Variants in EXTL3 observed in about 807,000 individuals in gnomAD.
EXTL3 encodes the protein exostosin like glycosyltransferase 3.
Under a neutral mutation model 69.3 loss-of-function variants are expected in EXTL3, and 27 were observed. That is an observed-to-expected ratio of 0.39 (90% confidence interval 0.29 to 0.54). EXTL3 has a LOEUF of 0.54. EXTL3 is among the 20% of genes least tolerant of loss of function. The pLI is 0.69. For missense variants in EXTL3, 1,003 were observed against 1,231.8 expected, an observed-to-expected ratio of 0.81 and a Z score of 2.78; for synonymous variants, 511 against 499.4, an observed-to-expected ratio of 1.02 and a Z score of -0.31.
chr8:28,696,807 GC>G (rs1563206749), upstream of EXTL3: 1 of 152,062 alleles, frequency 6.6e-6, no homozygotes, highest in African/African-American at 2.4e-5. Context: ...TGATCTGCCG[GC>G]CTCAGCCTCC....
intron 1 of EXTL3, among the ~76,000 whole-genome samples, chr8:28,676,722 GA>G (rs1053317758): frequency 2.0e-4 from 30 of 152,182 alleles, no homozygotes; most frequent in Admixed American, 6.5e-4. Context: ...GAGCCCTGGG[GA>G]AGGTGCACAC....
At chr8:28,720,416 C>T (rs983393402) in intron 3 of EXTL3, among the ~76,000 whole-genome samples, 6 of 152,116 alleles carry the variant, frequency 3.9e-5, no homozygotes, top group Non-Finnish European at 8.8e-5. Flanking sequence ...GTTTAGGTTC[C>T]CACTAAGCAA....
chr8:28,743,034 A>G, intron 5 of EXTL3, 52 bp from the exon 6 acceptor site: 1 of 1,611,986 alleles, frequency 6.2e-7, no homozygotes, highest in Non-Finnish European at 8.5e-7. Context: ...GCTGAAAGCC[A>G]ACAACCTGTG....
At chr8:28,612,102 G>T (rs962069110) in intron 2 of EXTL3, among the ~76,000 whole-genome samples, 2 of 152,182 alleles carry the variant, frequency 1.3e-5, no homozygotes, top group Non-Finnish European at 2.9e-5. Context: ...TTCTTCGGAT[G>T]TTTAAATCTC....
intron 1 of EXTL3, among the ~76,000 whole-genome samples, chr8:28,691,978 G>C (rs573638059): frequency 6.6e-6 from 1 of 152,262 alleles, no homozygotes; most frequent in African/African-American, 2.4e-5. Context: ...CTGGTTAAAT[G>C]TACACGAAAG....
At chr8:28,668,933 A>G (rs1807242451) in intron 1 of EXTL3, among the ~76,000 whole-genome samples, 4 of 128,698 alleles carry the variant, frequency 3.1e-5, no homozygotes. Context: ...GCATGATCTC[A>G]GCTCACTGCA....
In EXTL3 at chr8:28,753,008, C is replaced by G. The variant is rs1264325787; in HGVS notation, c.*2142C>G. ...CCTTTAGTGGAGCCAGGTTGTCGGG[C>G]CCCGAATGTCACTGGTGGATCTAAG... On this transcript the variant is annotated 3_prime_UTR_variant, in exon 7 of 7. Transcript: ENST00000220562. The G allele has an allele frequency of 3.3e-5, 5 of 152,500 alleles. No homozygotes were observed. The highest frequency in any genetic ancestry group is 6.5e-5 in the Admixed American group (1 of 15,282). 9.4% of individuals were successfully genotyped at this position (152,500 alleles called of 1,614,324 possible).
intron 1 of EXTL3, among the ~76,000 whole-genome samples, chr8:28,626,056 C>T (rs1806486028): frequency 7.1e-6 from 1 of 140,078 alleles, no homozygotes; most frequent in Non-Finnish European, 1.5e-5. Context: ...CCTGTTGTCT[C>T]AGCTACTTGG....
At chr8:28,665,997 C>T (rs920990344) in intron 1 of EXTL3, among the ~76,000 whole-genome samples, 1 of 152,184 alleles carries the variant, frequency 6.6e-6, no homozygotes, top group South Asian at 2.1e-4. Context: ...TTCCTGGTGG[C>T]GTTTGAATCT....
intron 2 of EXTL3, among the ~76,000 whole-genome samples, chr8:28,714,866 T>A (rs1801106786): frequency 6.6e-6 from 1 of 152,198 alleles, no homozygotes; most frequent in African/African-American, 2.4e-5. Context: ...TTTAGAAGAT[T>A]AGGAAACCAA....
At chr8:28,645,593 TG>T in intron 1 of EXTL3, among the ~76,000 whole-genome samples, 1 of 152,354 alleles carries the variant, frequency 6.6e-6, no homozygotes, top group South Asian at 2.1e-4. Flanking sequence ...AAATTTTTTT[TG>T]CTTATCTGTG....
At chr8:28,737,833 C>T (rs148302161) in intron 5 of EXTL3, among the ~76,000 whole-genome samples, 170 bp downstream of exon 5, 84 of 152,304 alleles carry the variant, frequency 5.5e-4, no homozygotes, top group Admixed American at 5.2e-3. Flanking sequence ...CTTAGAGCAA[C>T]TCTGGGATAA....
At chr8:28,676,093 A>C (rs1184234891) in intron 1 of EXTL3, among the ~76,000 whole-genome samples, 5 of 151,744 alleles carry the variant, frequency 3.3e-5, no homozygotes, top group Non-Finnish European at 5.9e-5. Flanking sequence ...TGAAACATAG[A>C]CTCAAAGGTG....
chr8:28,667,778 G>T (rs1356860882), intron 1 of EXTL3, among the ~76,000 whole-genome samples: 1 of 151,390 alleles, frequency 6.6e-6, no homozygotes, highest in Non-Finnish European at 1.5e-5. Context: ...GAGTTAATGG[G>T]TGCAGCACAC....
At chr8:28,635,804 G>A (rs536084697) in intron 1 of EXTL3, among the ~76,000 whole-genome samples, 36 of 152,102 alleles carry the variant, frequency 2.4e-4, no homozygotes, top group African/African-American at 7.9e-4. Flanking sequence ...AGGCTACATT[G>A]TAATTCAGAG....
intron 1 of EXTL3, among the ~76,000 whole-genome samples, chr8:28,660,761 G>C (rs1342854861): frequency 6.8e-6 from 1 of 148,036 alleles, no homozygotes; most frequent in Non-Finnish European, 1.5e-5. Flanking sequence ...TCACTATTCT[G>C]TGTGCCTCAC....
chr8:28,720,852 A>G (rs763704307), intron 3 of EXTL3, among the ~76,000 whole-genome samples: 20 of 152,302 alleles, frequency 1.3e-4, no homozygotes, highest in Admixed American at 3.9e-4. Context: ...GAGCATAACA[A>G]CAAAGATATC....
chr8:28,749,302 A>G (rs1182884918), intron 6 of EXTL3, among the ~76,000 whole-genome samples: 2 of 152,238 alleles, frequency 1.3e-5, no homozygotes, highest in African/African-American at 2.4e-5. Flanking sequence ...AAAAGCAACA[A>G]ATCACTCCAA....
downstream of EXTL3, among the ~76,000 whole-genome samples, chr8:28,756,441 T>G (rs575308212): frequency 9.2e-5 from 14 of 152,358 alleles, no homozygotes; most frequent in African/African-American, 2.6e-4. Flanking sequence ...TGGTGATTAG[T>G]TACTTTTTAT....
Sources: gnomAD v4.1 joint callset for allele counts (sites outside exome capture counted in the v4.1 genomes callset) on GRCh38, gnomAD v4.1.1 for gene constraint, MANE v1.5 for transcripts, NCBI Gene and HGNC (gene_info 2026-07-23, HGNC 2026-07-21) for gene names.